Variants in BCL2L11 observed in about 807,000 individuals in gnomAD.
BCL2L11 encodes the protein bcl-2-like protein 11.
A neutral mutation model predicts 20.6 loss-of-function variants in BCL2L11; 15 were observed. The ratio of observed to expected loss-of-function variants is 0.73; its 90% CI spans 0.49 to 1.12. BCL2L11 has a LOEUF of 1.12. BCL2L11 is among the 50% of genes most tolerant of loss of function. The pLI, the probability that BCL2L11 is intolerant of heterozygous loss-of-function variation, is 0.00. For synonymous variants in BCL2L11, 108 were observed against 92.8 expected (o/e 1.16, Z -0.94); for missense variants, 292 against 260.9 (o/e 1.12, Z -0.82).
chr2:111,122,824 G>C, intron 1 of BCL2L11: 1 of 985,444 alleles, frequency 1.0e-6, no homozygotes, highest in Non-Finnish European at 1.2e-6. Context: ...TGCTTTCGTG[G>C]TGACGGTCAG....
rs13420352 is a variant in BCL2L11 at position 111,159,619 on chromosome 2, T to C, written c.499-4514T>C. The stretch of plus-strand genomic sequence containing the variant: ...TTTCCAAGCATCTGCTTCCCTGGAC[T>C]GAGCAAGAGAGTGGTGTTCTGTGAT... On this transcript the variant is annotated intron_variant, in intron 3 of 3. Coordinates refer to ENST00000393256, the MANE Select transcript of BCL2L11 (RefSeq NM_138621.5). Among the ~76,000 whole-genome samples the C allele has an allele frequency of 9.9e-3, 1,515 of 152,364 alleles. 31 individuals carry two copies. Among genetic ancestry groups the C allele is most frequent in the African/African-American group, 0.034 (1,412 of 41,582 alleles).
chr2:111,122,599 C>G (rs980917346), intron 1 of BCL2L11: 2 of 984,162 alleles, frequency 2.0e-6, no homozygotes, highest in African/African-American at 3.5e-5. Context: ...GGGAGGTCGG[C>G]GGTGCCGGCG....
chr2:111,138,102 A>C (rs1210561784), intron 2 of BCL2L11, among the ~76,000 whole-genome samples: 1 of 148,398 alleles, frequency 6.7e-6, no homozygotes, highest in African/African-American at 2.5e-5. Context: ...TCCACCTCCC[A>C]GGTTCAAGTG....
intron 2 of BCL2L11, chr2:111,128,710 A>C: frequency 6.4e-7 from 1 of 1,550,472 alleles, no homozygotes; most frequent in Non-Finnish European, 8.7e-7. Context: ...CCACCACCAT[A>C]GTCAAGATAC....
chr2:111,123,072 G>C (rs1288302552), intron 1 of BCL2L11: 4 of 975,660 alleles, frequency 4.1e-6, no homozygotes, highest in Non-Finnish European at 4.9e-6. Context: ...CCCATTTAGA[G>C]ATGTGCACCT....
At chr2:111,134,558 T>C (rs1237896860) in intron 2 of BCL2L11, among the ~76,000 whole-genome samples, 2 of 152,230 alleles carry the variant, frequency 1.3e-5, no homozygotes, top group Non-Finnish European at 2.9e-5. Flanking sequence ...CCATCAAATA[T>C]GATTTAAGAA....
rs776964241 is a variant in BCL2L11, at chr2:111,144,472, C to T, written c.395-5572C>T. 7 of 1,550,440 alleles carry T rather than the reference C, an allele frequency of 4.5e-6. No individual in the cohort carries two copies. In the African/African-American group the frequency reaches 8.2e-5, roughly 18 times the overall value. ...ACCGCAAACGCTGATGGCAGTTGCT[C>T]TCCTTTGCCTTATAGCTAACTGGGA... is the stretch of plus-strand genomic sequence containing the variant. On this transcript the variant is annotated intron_variant, in intron 2 of 3. Coordinates refer to ENST00000393256, the MANE Select transcript of BCL2L11 (RefSeq NM_138621.5).
At chr2:111,153,857 G>T (rs1162574040) in intron 3 of BCL2L11, 12 of 1,551,178 alleles carry the variant, frequency 7.7e-6, no homozygotes, top group African/African-American at 1.4e-5. Context: ...CGTTTGAGAC[G>T]GAGCTGTGGA....
intron 2 of BCL2L11, chr2:111,128,555 C>T (rs2073177216): frequency 1.4e-6 from 2 of 1,423,670 alleles, no homozygotes; most frequent in Admixed American, 3.1e-5. Flanking sequence ...TTTTACATTC[C>T]CACCAACAGG....
In BCL2L11 at chr2:111,166,083, G is replaced by C. The variant is rs1239050288; in HGVS notation, c.*1852G>C. The C allele has an allele frequency of 2.6e-5, 4 of 152,594 alleles. No individual in the cohort carries two copies. The highest frequency in any genetic ancestry group is 5.9e-5 in the Non-Finnish European group (4 of 68,038). 9.5% of individuals were successfully genotyped at this position (152,594 alleles called of 1,614,324 possible). A position where few individuals can be genotyped will look rare whatever the true frequency, so the allele number is the denominator to read the frequency against. On this transcript the variant is annotated 3_prime_UTR_variant, in exon 4 of 4. Coordinates refer to ENST00000393256, the MANE Select transcript of BCL2L11 (RefSeq NM_138621.5). The stretch of plus-strand genomic sequence containing the variant: ...TTCCCTGATGTGTCTCGAGCCCATT[G>C]GTAGGGTCATACAAAGCCCACGGTT...
chr2:111,133,961 T>C (rs1471596534), intron 2 of BCL2L11, among the ~76,000 whole-genome samples: 1 of 152,204 alleles, frequency 6.6e-6, no homozygotes, highest in Non-Finnish European at 1.5e-5. Context: ...AAATGTACTT[T>C]ATCTGGTATT....
intron 2 of BCL2L11, among the ~76,000 whole-genome samples, chr2:111,126,646 G>T (rs1010716122): frequency 1.3e-5 from 2 of 152,172 alleles, no homozygotes; most frequent in Non-Finnish European, 2.9e-5. Context: ...CTTAGTTCAT[G>T]CCTGAAGACC....
At chr2:111,141,066 C>G (rs1559050368) in intron 2 of BCL2L11, among the ~76,000 whole-genome samples, 1 of 152,194 alleles carries the variant, frequency 6.6e-6, no homozygotes, top group African/African-American at 2.4e-5. Flanking sequence ...TTGGTCCTCC[C>G]ATAGGCCTAT....
At chr2:111,150,015 G>C in intron 2 of BCL2L11, 29 bp from the exon 3 acceptor site, 2 of 1,593,258 alleles carry the variant, frequency 1.3e-6, no homozygotes, top group Non-Finnish European at 1.7e-6. Context: ...ACCACAATGT[G>C]ATTTTTGTTT....
intron 2 of BCL2L11, chr2:111,146,161 A>G (rs965351405): frequency 1.8e-5 from 18 of 985,234 alleles, no homozygotes; most frequent in Non-Finnish European, 1.3e-5. Context: ...TCTGTGGGTA[A>G]AAATGCAGCT....
chr2:111,147,305 T>C (rs1464334054), intron 2 of BCL2L11, among the ~76,000 whole-genome samples: 1 of 147,814 alleles, frequency 6.8e-6, no homozygotes, highest in Non-Finnish European at 1.5e-5. Flanking sequence ...GCTTAGGGAC[T>C]TGAAAGAGTA....
intron 3 of BCL2L11, chr2:111,163,217 G>GA (rs1274310039): frequency 1.3e-4 from 20 of 152,326 alleles, no homozygotes; most frequent in African/African-American, 4.1e-4. Context: ...CACCCAATGA[G>GA]AAGGGGGTTT....
At chr2:111,129,326 C>T (rs1014811697) in intron 2 of BCL2L11, among the ~76,000 whole-genome samples, 1 of 152,080 alleles carries the variant, frequency 6.6e-6, no homozygotes, top group Non-Finnish European at 1.5e-5. Context: ...AATAAGGAAA[C>T]TTTTTAGGTC....
At position 111,165,461 on chromosome 2, in the gene BCL2L11, A is replaced by T. The variant is rs778059841; in HGVS notation, c.*1230A>T. 6.6e-6 allele frequency: 1 copy of T among 152,288 alleles called. No homozygotes were observed. Among genetic ancestry groups the T allele is most frequent in the Non-Finnish European group, 1.5e-5 (1 of 68,076 alleles). The allele number at this position is 152,288 out of a possible 1,614,324, so 9.4% of individuals were successfully genotyped here. On this transcript the variant is annotated 3_prime_UTR_variant, in exon 4 of 4. Transcript: ENST00000393256. ...TTAAATTCACTTTGAAACAGGCCTC[A>T]TCCCACTTCCACCAGCACCATAGAA... is the stretch of plus-strand genomic sequence containing the variant.
Sources: gnomAD v4.1 joint callset for allele counts (sites outside exome capture counted in the v4.1 genomes callset) on GRCh38, gnomAD v4.1.1 for gene constraint, MANE v1.5 for transcripts, NCBI Gene and HGNC (gene_info 2026-07-23, HGNC 2026-07-21) for gene names.